Variants in NIBAN1 observed in about 807,000 individuals in gnomAD.
NIBAN1 encodes the protein niban apoptosis regulator 1, also known as protein Niban 1.
A neutral mutation model predicts 75.1 loss-of-function variants in NIBAN1; 81 were observed. The observed-to-expected ratio is 1.08, with a 90% CI of 0.90 to 1.30. NIBAN1 has a LOEUF of 1.30. Among genes scored for constraint, NIBAN1 ranks in the 50% most tolerant of loss-of-function variants. The probability of loss-of-function intolerance (pLI) is 0.00; values close to 1 mark genes in which losing one functional copy is unlikely to be tolerated. For synonymous variants in NIBAN1, 436 were observed against 424.8 expected (o/e 1.03, Z -0.32); for missense variants, 1,133 against 1,128.1 (o/e 1.00, Z -0.06).
chr1:184,860,984 T>C (rs765964091), intron 5 of NIBAN1, among the ~76,000 whole-genome samples: 11 of 152,246 alleles, frequency 7.2e-5, no homozygotes, highest in Non-Finnish European at 1.5e-4. Flanking sequence ...TGAAAAGGCA[T>C]GGATCAAATG....
Position 184,955,800 on chromosome 1 carries a change from A to G in NIBAN1, c.55+18502T>C, listed in dbSNP as rs532294899. ...ACAAGGGATAGGACTTTTGACAGGA[A>G]TTGCCAATGGAAAGATACAAAGGCA... On this transcript the variant is annotated intron_variant, in intron 1 of 13. Coordinates refer to ENST00000367511, the MANE Select transcript of NIBAN1 (RefSeq NM_052966.4). Among the ~76,000 whole-genome samples the G allele has an allele frequency of 2.0e-5, 3 of 152,314 alleles. No homozygotes were observed. The East Asian group carries it at 5.8e-4, about 29-fold the overall frequency.
intron 5 of NIBAN1, among the ~76,000 whole-genome samples, chr1:184,838,591 A>G (rs1222737345): frequency 6.6e-6 from 1 of 152,194 alleles, no homozygotes; most frequent in Non-Finnish European, 1.5e-5. Context: ...GGTAGACATG[A>G]TTAAGGATTC....
chr1:184,825,665 ACAC>A (rs1654824124), intron 6 of NIBAN1, among the ~76,000 whole-genome samples: 1 of 152,220 alleles, frequency 6.6e-6, no homozygotes, highest in African/African-American at 2.4e-5. Flanking sequence ...GCAGTATTCT[ACAC>A]ATCCACTCAT....
intron 1 of NIBAN1, among the ~76,000 whole-genome samples, chr1:184,919,136 C>T (rs915053959): frequency 1.1e-4 from 17 of 152,162 alleles, no homozygotes; most frequent in African/African-American, 4.1e-4. Context: ...AAGACTCATC[C>T]TAAAGTAATA....
intron 1 of NIBAN1, among the ~76,000 whole-genome samples, chr1:184,941,221 T>G (rs1228199236): frequency 6.6e-6 from 1 of 152,222 alleles, no homozygotes; most frequent in East Asian, 1.9e-4. Flanking sequence ...ACTCTAAGTC[T>G]TATTCTAAAT....
chr1:184,806,675 A>G (rs572421997), intron 10 of NIBAN1, among the ~76,000 whole-genome samples: 2 of 151,544 alleles, frequency 1.3e-5, no homozygotes, highest in East Asian at 1.9e-4. Flanking sequence ...GCTAAAATGT[A>G]TCACTTAATC....
At chr1:184,819,287 G>C (rs1354162742) in intron 8 of NIBAN1, among the ~76,000 whole-genome samples, 1 of 152,062 alleles carries the variant, frequency 6.6e-6, no homozygotes, top group Non-Finnish European at 1.5e-5. Flanking sequence ...AAGAACTCCA[G>C]TACATTCTTT....
intron 5 of NIBAN1, among the ~76,000 whole-genome samples, chr1:184,859,629 G>A (rs753243395): frequency 6.6e-6 from 1 of 152,114 alleles, no homozygotes; most frequent in African/African-American, 2.4e-5. Flanking sequence ...GATTTCTGTT[G>A]TAAGAGTTCT....
chr1:184,884,072 C>T (rs375746028), intron 5 of NIBAN1, among the ~76,000 whole-genome samples: 48 of 152,320 alleles, frequency 3.2e-4, no homozygotes, highest in Non-Finnish European at 4.4e-4. Context: ...CCCCAACTTG[C>T]AGCCAGATAA....
intron 2 of NIBAN1, among the ~76,000 whole-genome samples, chr1:184,895,836 G>C (rs1656784025): frequency 6.6e-6 from 1 of 152,088 alleles, no homozygotes; most frequent in Admixed American, 6.5e-5. Flanking sequence ...TTCTGAGTTA[G>C]TTCACTTAGG....
Position 184,815,956 on chromosome 1 carries a change from T to C in NIBAN1, c.1173+2682A>G, listed in dbSNP as rs546662155. On this transcript the variant is annotated intron_variant, in intron 9 of 13. Transcript: ENST00000367511. Reference sequence around the variant, plus strand: ...TAAAGGCTGTCGTTACACAACATACTTTAAATTCTCTTGTGAAAGTTATGC... The same window carrying C: ...TAAAGGCTGTCGTTACACAACATACCTTAAATTCTCTTGTGAAAGTTATGC... Among the ~76,000 whole-genome samples, 4 of 152,354 alleles carry C rather than the reference T, an allele frequency of 2.6e-5. No individual in the cohort carries two copies. The East Asian group carries it at 7.7e-4, about 29-fold the overall frequency.
At chr1:184,948,684 C>T (rs1238667066) in intron 1 of NIBAN1, among the ~76,000 whole-genome samples, 6 of 152,078 alleles carry the variant, frequency 3.9e-5, no homozygotes, top group Non-Finnish European at 8.8e-5. Flanking sequence ...GCATCCTCCA[C>T]AGCCAATAAA....
intron 1 of NIBAN1, among the ~76,000 whole-genome samples, chr1:184,942,973 C>T (rs1658134104): frequency 6.6e-6 from 1 of 152,184 alleles, no homozygotes; most frequent in Non-Finnish European, 1.5e-5. Context: ...AGAAGAACAT[C>T]AGTGGCGGAA....
chr1:184,955,361 T>TTTCCTTTCCTTTCCTTTCCTTTC (rs1491199108), intron 1 of NIBAN1, among the ~76,000 whole-genome samples: 8 of 25,522 alleles, frequency 3.1e-4, no homozygotes, highest in Admixed American at 6.4e-4. Context: ...CCTTTCCTTT[T>TTTCCTTTCCTTTCCTTTCCTTTC]CTTTTTTGTT....
At chr1:184,939,774 C>T (rs573002241) in intron 1 of NIBAN1, among the ~76,000 whole-genome samples, 1 of 152,202 alleles carries the variant, frequency 6.6e-6, no homozygotes, top group African/African-American at 2.4e-5. Flanking sequence ...GGGCTTACTG[C>T]CGTACCTACC....
At chr1:184,928,931 C>A (rs764299870) in intron 1 of NIBAN1, among the ~76,000 whole-genome samples, 1 of 152,140 alleles carries the variant, frequency 6.6e-6, no homozygotes, top group African/African-American at 2.4e-5. Context: ...TTCATTTTCA[C>A]GTGATGCACA....
At chr1:184,961,933 G>A (rs373045197) in intron 1 of NIBAN1, among the ~76,000 whole-genome samples, 2 of 152,182 alleles carry the variant, frequency 1.3e-5, no homozygotes, top group East Asian at 3.9e-4. Flanking sequence ...AGAGACCTGG[G>A]CCACAGACAG....
chr1:184,964,186 C>T (rs1442846843), intron 1 of NIBAN1, among the ~76,000 whole-genome samples: 1 of 152,076 alleles, frequency 6.6e-6, no homozygotes, highest in Non-Finnish European at 1.5e-5. Context: ...GCCTGAGTGA[C>T]TGCTGAGGAG....
intron 5 of NIBAN1, among the ~76,000 whole-genome samples, chr1:184,855,652 T>C (rs1322195444): frequency 6.6e-6 from 1 of 152,196 alleles, no homozygotes; most frequent in Non-Finnish European, 1.5e-5. Flanking sequence ...CTTGCTACAT[T>C]CTGTCATGCT....
Sources: gnomAD v4.1 joint callset for allele counts (sites outside exome capture counted in the v4.1 genomes callset) on GRCh38, gnomAD v4.1.1 for gene constraint, MANE v1.5 for transcripts, NCBI Gene and HGNC (gene_info 2026-07-23, HGNC 2026-07-21) for gene names.